GNG12: variants seen among roughly 807,000 people sequenced by gnomAD.
The protein encoded by GNG12 is G protein subunit gamma 12.
For synonymous variants in GNG12, 28 were observed against 29.7 expected (o/e 0.94, Z 0.19); for missense variants, 69 against 83.8 (o/e 0.82, Z 0.69).
At chr1:67,754,454 A>C (rs1557605950) in intron 2 of GNG12, among the ~76,000 whole-genome samples, 1 of 152,038 alleles carries the variant, frequency 6.6e-6, no homozygotes, top group Non-Finnish European at 1.5e-5. Flanking sequence ...AGTCCTGCTT[A>C]CGCCACCTCA....
At position 67,705,357 on chromosome 1, in the gene GNG12, A is replaced by G; in HGVS notation, c.*94T>C. 5.9e-6 allele frequency: 9 copies of G among 1,528,052 alleles called. No homozygotes were observed. Among genetic ancestry groups the G allele is most frequent in the Non-Finnish European group, 7.9e-6 (9 of 1,142,226 alleles). The allele number at this position is 1,528,052 out of a possible 1,614,324, so 94.7% of individuals were successfully genotyped here. A position where few individuals can be genotyped will look rare whatever the true frequency, so the allele number is the denominator to read the frequency against. On this transcript the variant is annotated 3_prime_UTR_variant, in exon 4 of 4. Transcript: ENST00000370982. Reference sequence around the variant, plus strand: ...AGCTGAGAACATTTTAGTTATTAGCAGTGGTTACCAAATAAGCTGAAGGTA... The same window carrying G: ...AGCTGAGAACATTTTAGTTATTAGCGGTGGTTACCAAATAAGCTGAAGGTA...
At chr1:67,710,025 TATA>T (rs1409396285) in intron 2 of GNG12, among the ~76,000 whole-genome samples, 1 of 29,040 alleles carries the variant, frequency 3.4e-5, no homozygotes, top group Non-Finnish European at 7.0e-5. Flanking sequence ...TATATATAGT[TATA>T]TATATATAGT....
intron 2 of GNG12, among the ~76,000 whole-genome samples, chr1:67,730,314 A>G (rs1181999902): frequency 1.3e-5 from 2 of 152,362 alleles, no homozygotes; most frequent in East Asian, 3.9e-4. Flanking sequence ...AGCCTCGCCA[A>G]CATGGCGAAA....
At chr1:67,777,076 T>C (rs183312827) in intron 2 of GNG12, 1 of 152,222 alleles carries the variant, frequency 6.6e-6, no homozygotes, top group Non-Finnish European at 1.5e-5. Flanking sequence ...GTATGTTTTA[T>C]GTTGTAGCTG....
intron 1 of GNG12, among the ~76,000 whole-genome samples, chr1:67,785,623 A>G (rs185445130): frequency 1.5e-4 from 23 of 152,296 alleles, no homozygotes; most frequent in Non-Finnish European, 3.4e-4. Context: ...GAAGAATTTT[A>G]CATAGTTAAG....
chr1:67,776,806 G>A (rs1384101424), intron 2 of GNG12, among the ~76,000 whole-genome samples: 1 of 152,174 alleles, frequency 6.6e-6, no homozygotes, highest in Non-Finnish European at 1.5e-5. Flanking sequence ...GACTCAAAAT[G>A]CTGGCAGTAA....
chr1:67,794,922 C>T (rs181478376), intron 1 of GNG12, among the ~76,000 whole-genome samples: 245 of 152,194 alleles, frequency 1.6e-3, no homozygotes, highest in African/African-American at 5.5e-3. Context: ...TTCTTTTTTT[C>T]TAACAACAAC....
intron 2 of GNG12, among the ~76,000 whole-genome samples, chr1:67,712,581 T>C (rs964281902): frequency 2.6e-5 from 4 of 152,074 alleles, no homozygotes; most frequent in African/African-American, 7.2e-5. Context: ...TAGTCCCAGC[T>C]ACTCAGGAGG....
intron 3 of GNG12, among the ~76,000 whole-genome samples, chr1:67,707,110 A>G (rs1298395847): frequency 6.6e-6 from 1 of 152,194 alleles, no homozygotes; most frequent in Non-Finnish European, 1.5e-5. Context: ...TAAAGCTCGC[A>G]TTATTACTCT....
intron 2 of GNG12, among the ~76,000 whole-genome samples, chr1:67,763,090 G>GAA (rs145792350): frequency 8.6e-6 from 1 of 116,724 alleles, no homozygotes; most frequent in African/African-American, 3.2e-5. Flanking sequence ...TACCCTCCCA[G>GAA]GAGAGAGAGA....
intron 2 of GNG12, among the ~76,000 whole-genome samples, chr1:67,752,553 C>T (rs1244829296): frequency 1.3e-5 from 2 of 152,160 alleles, no homozygotes; most frequent in Admixed American, 6.5e-5. Flanking sequence ...GTAGACATCC[C>T]TAATGGATCA....
intron 2 of GNG12, among the ~76,000 whole-genome samples, chr1:67,711,451 G>C (rs1288364210): frequency 2.0e-5 from 3 of 151,906 alleles, no homozygotes; most frequent in Admixed American, 6.6e-5. Flanking sequence ...GGTTTCTCGG[G>C]GGGGTGGTGG....
intron 2 of GNG12, among the ~76,000 whole-genome samples, chr1:67,740,357 T>C (rs967577940): frequency 3.9e-5 from 6 of 152,270 alleles, no homozygotes; most frequent in Non-Finnish European, 5.9e-5. Flanking sequence ...TTACAGCCAG[T>C]GGGCCAAATC....
chr1:67,740,772 C>T (rs1291960794), intron 2 of GNG12, among the ~76,000 whole-genome samples: 2 of 152,088 alleles, frequency 1.3e-5, no homozygotes, highest in African/African-American at 2.4e-5. Context: ...TTGGCCATTC[C>T]CACCTTGTGG....
At chr1:67,790,765 A>G (rs1231000054) in intron 1 of GNG12, among the ~76,000 whole-genome samples, 1 of 152,004 alleles carries the variant, frequency 6.6e-6, no homozygotes, top group Non-Finnish European at 1.5e-5. Context: ...GTGTGCCGCC[A>G]CCACCACGTC....
intron 2 of GNG12, among the ~76,000 whole-genome samples, chr1:67,759,757 T>C (rs1402390058): frequency 6.6e-6 from 1 of 152,092 alleles, no homozygotes; most frequent in African/African-American, 2.4e-5. Flanking sequence ...AGAAAACCCT[T>C]ACTTGAGCAA....
At chr1:67,710,050 TTATA>T (rs56663352) in intron 2 of GNG12, among the ~76,000 whole-genome samples, 2 of 43,302 alleles carry the variant, frequency 4.6e-5, no homozygotes, top group African/African-American at 1.7e-4. Context: ...ATATATATAG[TTATA>T]TATATATAGT....
At chr1:67,747,839 G>A (rs1177712851) in intron 2 of GNG12, among the ~76,000 whole-genome samples, 1 of 152,198 alleles carries the variant, frequency 6.6e-6, no homozygotes, top group Non-Finnish European at 1.5e-5. Context: ...ACAAACTGAT[G>A]GGGATGCTCT....
At chr1:67,724,875 GA>G (rs1305045137) in intron 2 of GNG12, among the ~76,000 whole-genome samples, 1 of 151,896 alleles carries the variant, frequency 6.6e-6, no homozygotes, top group African/African-American at 2.4e-5. Flanking sequence ...ATATATGTTT[GA>G]AAATTAAAAA....
Sources: gnomAD v4.1 joint callset for allele counts (sites outside exome capture counted in the v4.1 genomes callset) on GRCh38, gnomAD v4.1.1 for gene constraint, MANE v1.5 for transcripts, NCBI Gene and HGNC (gene_info 2026-07-23, HGNC 2026-07-21) for gene names.